The following MUC12 variants were observed in gnomAD, a reference collection of about 807,000 sequenced individuals.
MUC12 encodes mucin-12.
MUC12 carries 172 observed loss-of-function variants against 230.8 expected under a neutral mutation model. That is an observed-to-expected ratio of 0.75 (90% CI 0.66 to 0.85). MUC12 has a LOEUF of 0.85. Among genes scored for constraint, MUC12 ranks in the 40% least tolerant of loss-of-function variants. The pLI is 0.00. For missense variants in MUC12, 3,506 were observed against 5,920.6 expected (o/e 0.59, Z 13.38); for synonymous variants, 1,259 against 2,401.9 (o/e 0.52, Z 13.91).
chr7:100,995,859 G>A lies in MUC12; in HGVS notation c.5296G>A (p.Val1766Ile), dbSNP rs1200662100. The change falls in exon 2 of 12, where the codon GTT becomes ATT. Residue 1766 changes from valine (V) to isoleucine (I), a missense_variant. Physicochemically the swap from Val to Ile is conservative, Grantham distance 29. Coordinates refer to ENST00000536621, the MANE Select transcript of MUC12 (RefSeq NM_001164462.2). Reference protein sequence around the residue: ...SPARSTTSGLVEESTAYHSSP... With the variant: ...SPARSTTSGLIEESTAYHSSP... Reference sequence around the variant, plus strand: ...TGCCCGCTCCACAACCTCAGGCCTCGTTGAAGAATCTACGGCGTACCACAG... The same window carrying A: ...TGCCCGCTCCACAACCTCAGGCCTCATTGAAGAATCTACGGCGTACCACAG... 27 of 1,443,662 alleles carry A rather than the reference G, an allele frequency of 1.9e-5. No individual in the cohort carries two copies. Among genetic ancestry groups the A allele is most frequent in the African/African-American group, 4.8e-5 (3 of 62,582 alleles). 89.4% of individuals were successfully genotyped at this position (1,443,662 alleles called of 1,614,324 possible).
At position 101,006,590 on chromosome 7, in the gene MUC12, G is replaced by C; in HGVS notation, c.15058+18G>C. ...CCCTGTAGGTAATGACCTTTTCTGA[G>C]ACCTGCAGCTCTTTGCAGGCCCTTT... On this transcript the variant is annotated intron_variant, in intron 3 of 11. Transcript: ENST00000536621. 6.7e-7 allele frequency: 1 copy of C among 1,492,312 alleles called. No homozygotes were observed. The highest frequency in any genetic ancestry group is 9.0e-7 in the Non-Finnish European group (1 of 1,106,124). The allele number at this position is 1,492,312 out of a possible 1,614,324, so 92.4% of individuals were successfully genotyped here. A position where few individuals can be genotyped will look rare whatever the true frequency, so the allele number is the denominator to read the frequency against.
intron 11 of MUC12, 69 bp downstream of exon 11, chr7:101,017,732 CGGG>C: frequency 8.8e-7 from 1 of 1,133,410 alleles, no homozygotes. Flanking sequence ...CCTCTTCCCC[CGGG>C]ACTCCCTTCT....
intron 3 of MUC12, among the ~76,000 whole-genome samples, chr7:101,007,022 G>A (rs181484628): frequency 3.9e-5 from 6 of 152,178 alleles, no homozygotes; most frequent in Middle Eastern, 3.4e-3. Flanking sequence ...GTGATGGCAC[G>A]ATCTTGGCTC....
intron 1 of MUC12, among the ~76,000 whole-genome samples, chr7:100,971,178 A>AAAC (rs752275215): frequency 2.2e-4 from 29 of 129,514 alleles, no homozygotes; most frequent in South Asian, 5.2e-4. Flanking sequence ...AAAAAGAAAC[A>AAAC]AACAAAAAAA....
At position 101,012,305 on chromosome 7, in the gene MUC12, C is replaced by T. The variant is rs1793849921; in HGVS notation, c.15261C>T (p.Ser5087=). The change falls in exon 6 of 12, where the codon AGC becomes AGT. Residue 5087 remains serine (S), a synonymous_variant. Coordinates refer to ENST00000536621, the MANE Select transcript of MUC12 (RefSeq NM_001164462.2). The stretch of plus-strand genomic sequence containing the variant: ...CGATTCCCACTTCCAGCAACGGTAG[C>T]ATCGTGGTCAAGAACGATGTCATCC... ...GVNIRRLLNG[S]IVVKNDVILE... is the part of the protein sequence containing the mutation. 6.5e-7 allele frequency: 1 copy of T among 1,536,968 alleles called. No individual in the cohort carries two copies.
chr7:100,969,763 G>A, intron 1 of MUC12, 74 bp downstream of exon 1: 3 of 1,529,286 alleles, frequency 2.0e-6, no homozygotes, highest in South Asian at 2.4e-5. Flanking sequence ...GCCTCAGGCA[G>A]CAGGGCTGCA....
chr7:100,992,487 G>C lies in MUC12; in HGVS notation c.1924G>C (p.Asp642His). ...ATTCCATAGCTGGCCAAGCTCAAAG[G>C]ACACTAGGCCTGCACCTCCTACTAC... ...TTFHSWPSSK[D>H]TRPAPPTTTS... The change falls in exon 2 of 12, where the codon GAC becomes CAC. Residue 642 changes from aspartate to histidine, a missense_variant. Coordinates refer to ENST00000536621, the MANE Select transcript of MUC12 (RefSeq NM_001164462.2). 6.5e-7 allele frequency: 1 copy of C among 1,537,878 alleles called. No homozygotes were observed. Among genetic ancestry groups the C allele is most frequent in the Non-Finnish European group, 8.7e-7 (1 of 1,147,022 alleles).
rs1176275743 is a variant in MUC12, at chr7:101,004,532, A to G, written c.13969A>G (p.Ser4657Gly). Residue 4657 changes from serine (S) to glycine (G), a missense_variant, in exon 2 of 12, where the codon AGC becomes GGC. Physicochemically the swap from Ser to Gly is moderately conservative, Grantham distance 56 (BLOSUM62 0). Coordinates refer to ENST00000536621, the MANE Select transcript of MUC12 (RefSeq NM_001164462.2). ...ATCTGCCCTTGTTGAAGAACCTACC[A>G]GCTACCACAGCAGCCCGGGCTCAAT... ...TTSALVEEPT[S>G]YHSSPGSIAT... 2 of 1,534,658 alleles carry G rather than the reference A, an allele frequency of 1.3e-6. No individual in the cohort carries two copies. The highest frequency in any genetic ancestry group is 1.7e-4 in the Middle Eastern group (1 of 6,014).
At chr7:101,005,728 T>C (rs956740431) in intron 2 of MUC12, among the ~76,000 whole-genome samples, 6 of 152,170 alleles carry the variant, frequency 3.9e-5, no homozygotes, top group African/African-American at 1.4e-4. Flanking sequence ...CAATCTCTCC[T>C]TCCTCTATGA....
intron 1 of MUC12, among the ~76,000 whole-genome samples, chr7:100,974,971 G>A (rs1179898086): frequency 1.6e-4 from 24 of 152,422 alleles, no homozygotes; most frequent in African/African-American, 5.5e-4. Context: ...GACAGTCCAG[G>A]AGGCTGTATT....
intron 3 of MUC12, 100 bp from the exon 4 acceptor site, chr7:101,008,519 CCTTCCTCTTAAGTTT>C: frequency 7.3e-7 from 1 of 1,374,666 alleles, no homozygotes; most frequent in Non-Finnish European, 9.6e-7. Context: ...AGTGACCCCA[CCTTCCTCTTAAGTTT>C]CTTTCACCTT....
At chr7:100,984,408 C>A (rs1381784291) in intron 1 of MUC12, among the ~76,000 whole-genome samples, 2 of 151,968 alleles carry the variant, frequency 1.3e-5, no homozygotes, top group Admixed American at 6.6e-5. Flanking sequence ...AGGCGCCCAC[C>A]ACCATACCCG....
At chr7:101,005,867 G>T (rs887322129) in intron 2 of MUC12, among the ~76,000 whole-genome samples, 3 of 150,602 alleles carry the variant, frequency 2.0e-5, no homozygotes, top group Admixed American at 2.0e-4. Flanking sequence ...ACATGATCTT[G>T]GTTCACTGCA....
chr7:100,974,687 T>C (rs1172179303), intron 1 of MUC12, among the ~76,000 whole-genome samples: 2 of 152,252 alleles, frequency 1.3e-5, no homozygotes, highest in East Asian at 1.9e-4. Context: ...TAGCTGTGTG[T>C]GGTGGTGTGC....
intron 2 of MUC12, 70 bp from the exon 3 acceptor site, chr7:101,006,401 T>C (rs1793751784): frequency 3.9e-6 from 4 of 1,021,708 alleles, no homozygotes; most frequent in Non-Finnish European, 4.4e-6. Context: ...TGACTGGACC[T>C]GGAATGGGAG....
intron 1 of MUC12, among the ~76,000 whole-genome samples, chr7:100,971,674 A>C (rs1172682361): frequency 6.6e-6 from 1 of 152,312 alleles, no homozygotes; most frequent in Non-Finnish European, 1.5e-5. Flanking sequence ...AGAGTTTATT[A>C]ATAAGACATA....
intron 3 of MUC12, among the ~76,000 whole-genome samples, chr7:101,007,364 A>AC (rs1793771477): frequency 6.6e-6 from 1 of 152,080 alleles, no homozygotes; most frequent in South Asian, 2.1e-4. Context: ...CATTTTTTGT[A>AC]CCCATTAACC....
At position 101,017,483 on chromosome 7, in the gene MUC12, C is replaced by A. The variant is rs936680741; in HGVS notation, c.15878-92C>A. Reference sequence around the variant, plus strand: ...GAAAGGGCGTAGGGCAGATGCCGGGCTGACTCTTCCTTTTGCCAGAGGAAA... The same window carrying A: ...GAAAGGGCGTAGGGCAGATGCCGGGATGACTCTTCCTTTTGCCAGAGGAAA... On this transcript the variant is annotated intron_variant, in intron 10 of 11. Transcript: ENST00000536621. 5.0e-6 allele frequency: 4 copies of A among 794,172 alleles called. No homozygotes were observed. The African/African-American group carries it at 5.2e-5, about 10-fold the overall frequency. 49.2% of individuals were successfully genotyped at this position (794,172 alleles called of 1,614,324 possible). A position where few individuals can be genotyped will look rare whatever the true frequency, so the allele number is the denominator to read the frequency against.
In MUC12 at chr7:101,005,341, C is replaced by T. The variant is rs1165946803; in HGVS notation, c.14778C>T (p.Ala4926=). ...GTTPLPARST[A]SDLVGEPTTF... is the part of the protein sequence containing the mutation. The stretch of plus-strand genomic sequence containing the variant: ...CACCCTTACCTGCCCGCTCCACAGC[C>T]TCAGACCTTGTTGGAGAACCTACAA... The change falls in exon 2 of 12, where the codon GCC becomes GCT. Residue 4926 remains alanine, a synonymous_variant. Transcript: ENST00000536621. The T allele has an allele frequency of 1.3e-6, 2 of 1,537,838 alleles. No individual in the cohort carries two copies. The highest frequency in any genetic ancestry group is 2.7e-5 in the African/African-American group (2 of 73,044).
Sources: allele counts gnomAD v4.1 joint callset (sites outside exome capture counted in the v4.1 genomes callset), GRCh38; gene constraint gnomAD v4.1.1; transcripts MANE v1.5; gene names NCBI Gene and HGNC (gene_info 2026-07-23, HGNC 2026-07-21).